Variants in HELLS observed in about 807,000 individuals in gnomAD.
HELLS encodes the protein lymphoid-specific helicase.
Under a neutral mutation model 120.0 loss-of-function variants are expected in HELLS, and 32 were observed. The observed-to-expected ratio is 0.27, with a 90% CI of 0.20 to 0.36. HELLS has a LOEUF of 0.36. Among genes scored for constraint, HELLS ranks in the 10% least tolerant of loss-of-function variants. The pLI, the probability that HELLS is intolerant of heterozygous loss-of-function variation, is 1.00. For missense variants in HELLS, 650 were observed against 993.4 expected (o/e 0.65, Z 4.65); for synonymous variants, 341 against 323.4 (o/e 1.05, Z -0.58).
chr10:94,590,306 T>C, intron 13 of HELLS, 107 bp from the exon 14 acceptor site: 1 of 922,952 alleles, frequency 1.1e-6, no homozygotes. Context: ...TTTGTATTTG[T>C]CTATAGATTG....
At chr10:94,589,660 C>A (rs1458120794) in intron 13 of HELLS, among the ~76,000 whole-genome samples, 3 of 150,454 alleles carry the variant, frequency 2.0e-5, no homozygotes, top group African/African-American at 7.3e-5. Context: ...AATAGGACCA[C>A]CAGACTCTTC....
At chr10:94,573,716 A>C (rs1276669507) in intron 7 of HELLS, among the ~76,000 whole-genome samples, 1 of 151,634 alleles carries the variant, frequency 6.6e-6, no homozygotes, top group African/African-American at 2.4e-5. Context: ...CTCCTGCCTC[A>C]GCTTCCCAAA....
chr10:94,577,621 C>G (rs1348602458), intron 10 of HELLS: 1 of 152,516 alleles, frequency 6.6e-6, no homozygotes, highest in African/African-American at 2.4e-5. Flanking sequence ...TGAATGTGTA[C>G]AGCATTAAAA....
downstream of HELLS, among the ~76,000 whole-genome samples, chr10:94,606,664 T>G (rs548584042): frequency 7.9e-5 from 12 of 152,318 alleles, no homozygotes; most frequent in African/African-American, 2.9e-4. Flanking sequence ...TGCCTAGAAC[T>G]CGTAACAAAA....
chr10:94,601,179 T>G (rs1846016819), intron 21 of HELLS, among the ~76,000 whole-genome samples: 1 of 152,210 alleles, frequency 6.6e-6, no homozygotes, highest in Admixed American at 6.5e-5. Flanking sequence ...TGATTGGGCC[T>G]CTTTTTAAAA....
chr10:94,604,099 T>C (rs1395686905), downstream of HELLS, among the ~76,000 whole-genome samples: 4 of 151,624 alleles, frequency 2.6e-5, no homozygotes, highest in Admixed American at 6.6e-5. Context: ...GTGCTGGGAT[T>C]GCAGGCGTGA....
At chr10:94,593,753 C>T in intron 18 of HELLS, 138 bp downstream of exon 18, 1 of 573,734 alleles carries the variant, frequency 1.7e-6, no homozygotes, top group South Asian at 1.8e-5. Context: ...ACCTTCACCT[C>T]CTGGGTTCAA....
At chr10:94,606,222 T>C (rs1846127647), downstream of HELLS, among the ~76,000 whole-genome samples, 1 of 152,094 alleles carries the variant, frequency 6.6e-6, no homozygotes, top group Non-Finnish European at 1.5e-5. Flanking sequence ...TGTATCTTAT[T>C]TTTGTTTTGT....
At chr10:94,584,938 A>G (rs1589748460) in intron 12 of HELLS, among the ~76,000 whole-genome samples, 1 of 152,200 alleles carries the variant, frequency 6.6e-6, no homozygotes, top group South Asian at 2.1e-4. Context: ...GCTTTGTCCT[A>G]ATTATGTTTT....
chr10:94,552,136 A>G (rs987724462), intron 2 of HELLS, among the ~76,000 whole-genome samples: 4 of 152,150 alleles, frequency 2.6e-5, no homozygotes, highest in Non-Finnish European at 5.9e-5. Flanking sequence ...GTTAGATTTT[A>G]TTGGTTGACT....
intron 3 of HELLS, among the ~76,000 whole-genome samples, chr10:94,557,850 G>A (rs1236278867): frequency 6.6e-6 from 1 of 152,226 alleles, no homozygotes; most frequent in African/African-American, 2.4e-5. Flanking sequence ...AAGCTGGGCA[G>A]TCAGAAGATT....
downstream of HELLS, among the ~76,000 whole-genome samples, chr10:94,604,335 G>A (rs1313260357): frequency 6.6e-6 from 1 of 151,966 alleles, no homozygotes; most frequent in Non-Finnish European, 1.5e-5. Flanking sequence ...ATGTTGGCCA[G>A]GCTGGTCTCG....
intron 21 of HELLS, among the ~76,000 whole-genome samples, chr10:94,598,920 C>A (rs1270440696): frequency 1.3e-5 from 2 of 151,928 alleles, no homozygotes; most frequent in Admixed American, 6.6e-5. Flanking sequence ...AAAAGATGAT[C>A]CTTTTTCTAT....
intron 4 of HELLS, among the ~76,000 whole-genome samples, chr10:94,561,582 C>T (rs1337149542): frequency 6.6e-6 from 1 of 152,154 alleles, no homozygotes; most frequent in Non-Finnish European, 1.5e-5. Flanking sequence ...CTTCCCACCT[C>T]AGCCTCCTGA....
chr10:94,559,313 A>AG lies in HELLS; in HGVS notation c.333+1119dup, dbSNP rs1387543396. Among the ~76,000 whole-genome samples, 4 of 152,296 alleles carry AG rather than the reference A, an allele frequency of 2.6e-5. No homozygotes were observed. In the East Asian group the frequency reaches 7.7e-4, roughly 29 times the overall value. The stretch of plus-strand genomic sequence containing the variant: ...AAATGGCCCCCAACTATTGTACCAA[A>AG]GTGCTGTCTAGTGTTTCTAAGTACA... On this transcript the variant is annotated intron_variant, in intron 4 of 21. Transcript: ENST00000348459.
chr10:94,578,946 G>A (rs1316359509), intron 10 of HELLS, among the ~76,000 whole-genome samples: 2 of 152,128 alleles, frequency 1.3e-5, no homozygotes, highest in Non-Finnish European at 1.5e-5. Flanking sequence ...GGGAGTGGCT[G>A]TAAATACAGA....
intron 15 of HELLS, among the ~76,000 whole-genome samples, chr10:94,591,602 A>G (rs528546717): frequency 1.4e-4 from 21 of 152,318 alleles, no homozygotes; most frequent in Admixed American, 3.3e-4. Context: ...AGATGCCACT[A>G]GTATTCACTT....
At position 94,576,686 on chromosome 10, in the gene HELLS, A is replaced by G. The variant is rs200482346; in HGVS notation, c.913A>G (p.Thr305Ala). 591 of 1,606,366 alleles carry G rather than the reference A, an allele frequency of 3.7e-4. 7 individuals carry two copies. In the Middle Eastern group the frequency reaches 3.8e-3, roughly 10 times the overall value. Residue 305 changes from threonine (T) to alanine (A), a missense_variant, in exon 10 of 22, where the codon ACC becomes GCC. Physicochemically the swap from Thr to Ala is moderately conservative, Grantham distance 58 (BLOSUM62 0). Coordinates refer to ENST00000348459, the MANE Select transcript of HELLS (RefSeq NM_018063.5). ...GATCCCTACAATGTTATATCATGGAACCCAGGAGGAACGTCAAAAATTGGT... is the reference window on the plus strand; with the variant it reads ...GATCCCTACAATGTTATATCATGGAGCCCAGGAGGAACGTCAAAAATTGGT... ...PDIPTMLYHG[T>A]QEERQKLVRN...
chr10:94,581,472 T>A lies in HELLS; in HGVS notation c.1179T>A (p.Leu393=), dbSNP rs774758197. The change falls in exon 11 of 22, where the codon CTT becomes CTA. Residue 393 remains leucine, a synonymous_variant. Transcript: ENST00000348459. ...CCTTGCAAAACAATTTATCAGAACT[T>A]TGGTCATTGCTAAACTTTTTGTTGC... The part of the protein sequence containing the change: ...GTPLQNNLSE[L]WSLLNFLLPD... 9 of 1,612,320 alleles carry A rather than the reference T, an allele frequency of 5.6e-6. No homozygotes were observed. Among genetic ancestry groups the A allele is most frequent in the Non-Finnish European group, 7.6e-6 (9 of 1,179,440 alleles).
Sources: gnomAD v4.1 joint callset for allele counts (sites outside exome capture counted in the v4.1 genomes callset) on GRCh38, gnomAD v4.1.1 for gene constraint, MANE v1.5 for transcripts, NCBI Gene and HGNC (gene_info 2026-07-23, HGNC 2026-07-21) for gene names.